MARCHF1: variants seen among roughly 807,000 people sequenced by gnomAD.
MARCHF1 encodes E3 ubiquitin-protein ligase MARCHF1.
Under a neutral mutation model 54.2 loss-of-function variants are expected in MARCHF1, and 40 were observed. The ratio of observed to expected loss-of-function variants is 0.74; its 90% CI spans 0.57 to 0.96. MARCHF1 has a LOEUF of 0.96. MARCHF1 is among the 40% of genes least tolerant of loss of function. The pLI is 0.00. For synonymous variants in MARCHF1, 236 were observed against 236.3 expected (o/e 1.00, Z 0.01); for missense variants, 586 against 656.5 (o/e 0.89, Z 1.17).
chr4:163,864,793 A>G (rs1750015415), intron 3 of MARCHF1, among the ~76,000 whole-genome samples: 1 of 152,064 alleles, frequency 6.6e-6, no homozygotes, highest in South Asian at 2.1e-4. Flanking sequence ...TTGTGTGTCC[A>G]AAGGCTAATT....
At chr4:163,572,611 A>C (rs1739878619) in intron 8 of MARCHF1, among the ~76,000 whole-genome samples, 1 of 152,046 alleles carries the variant, frequency 6.6e-6, no homozygotes, top group Non-Finnish European at 1.5e-5. Context: ...TCATTCCCTA[A>C]GTGTAGGGGT....
intron 2 of MARCHF1, among the ~76,000 whole-genome samples, chr4:164,083,230 G>A (rs1360497681): frequency 6.6e-6 from 1 of 152,076 alleles, no homozygotes; most frequent in Non-Finnish European, 1.5e-5. Context: ...GTCTCTGCGG[G>A]GTGGTGAAAT....
intron 4 of MARCHF1, among the ~76,000 whole-genome samples, chr4:163,788,061 TA>T (rs1037762832): frequency 1.1e-4 from 17 of 151,804 alleles, no homozygotes; most frequent in Non-Finnish European, 1.5e-4. Flanking sequence ...TGTCAATGGA[TA>T]GGGGAAGGGG....
chr4:163,759,590 A>G (rs1287261697), intron 4 of MARCHF1, among the ~76,000 whole-genome samples: 2 of 152,216 alleles, frequency 1.3e-5, no homozygotes, highest in East Asian at 3.8e-4. Flanking sequence ...CCAGTTGGGA[A>G]TGTCACCATT....
chr4:163,873,049 A>AC (rs1318169533), intron 3 of MARCHF1, among the ~76,000 whole-genome samples: 26 of 141,954 alleles, frequency 1.8e-4, no homozygotes, highest in Non-Finnish European at 2.9e-4. Context: ...GTCTCAAAAA[A>AC]AAAACAAACA....
At chr4:163,668,573 C>A (rs1388414873) in intron 5 of MARCHF1, among the ~76,000 whole-genome samples, 1 of 151,942 alleles carries the variant, frequency 6.6e-6, no homozygotes, top group Non-Finnish European at 1.5e-5. Context: ...AAGACCTTAC[C>A]AGATACATGT....
chr4:164,097,579 T>A (rs1324680382), intron 2 of MARCHF1, among the ~76,000 whole-genome samples: 1 of 152,206 alleles, frequency 6.6e-6, no homozygotes, highest in Non-Finnish European at 1.5e-5. Context: ...TGATCACTGT[T>A]TCAATATAAT....
intron 4 of MARCHF1, among the ~76,000 whole-genome samples, chr4:163,742,539 T>C (rs1746236261): frequency 6.6e-6 from 1 of 151,918 alleles, no homozygotes; most frequent in Non-Finnish European, 1.5e-5. Context: ...TTCAGTAGCA[T>C]GATCACGGCT....
chr4:163,626,654 C>A (rs1360546431), intron 5 of MARCHF1, among the ~76,000 whole-genome samples: 1 of 152,054 alleles, frequency 6.6e-6, no homozygotes, highest in Non-Finnish European at 1.5e-5. Flanking sequence ...GGGGACCGGG[C>A]ACTGTGGTTC....
intron 5 of MARCHF1, among the ~76,000 whole-genome samples, chr4:163,676,108 C>T (rs1196399137): frequency 6.8e-6 from 1 of 146,584 alleles, no homozygotes; most frequent in African/African-American, 2.5e-5. Context: ...TTTGGGAGGC[C>T]GAGGTGGGTG....
chr4:163,699,967 T>TTTG (rs1744755723), intron 5 of MARCHF1, among the ~76,000 whole-genome samples: 1 of 152,032 alleles, frequency 6.6e-6, no homozygotes, highest in South Asian at 2.1e-4. Flanking sequence ...TATTTTGTTT[T>TTTG]TTTTTTTTAA....
intron 1 of MARCHF1, among the ~76,000 whole-genome samples, chr4:164,228,116 G>A (rs560389658): frequency 6.6e-5 from 10 of 152,266 alleles, no homozygotes; most frequent in African/African-American, 2.4e-4. Flanking sequence ...AACTGATGAC[G>A]ATGATGATAC....
chr4:163,601,938 A>T (rs1232540311), intron 7 of MARCHF1, among the ~76,000 whole-genome samples: 1 of 152,024 alleles, frequency 6.6e-6, no homozygotes, highest in Non-Finnish European at 1.5e-5. Context: ...AGTCAAGATA[A>T]TCAGTATTAT....
At chr4:163,640,822 G>A (rs1163051342) in intron 5 of MARCHF1, among the ~76,000 whole-genome samples, 1 of 151,974 alleles carries the variant, frequency 6.6e-6, no homozygotes, top group Non-Finnish European at 1.5e-5. Context: ...TATATCTTTA[G>A]GGTAATAATT....
chr4:163,726,372 T>C (rs543000073), intron 4 of MARCHF1, among the ~76,000 whole-genome samples: 2 of 152,370 alleles, frequency 1.3e-5, no homozygotes, highest in African/African-American at 2.4e-5. Flanking sequence ...ATAAAGGATG[T>C]AGTCTTTTCA....
chr4:163,750,446 G>A lies in MARCHF1; in HGVS notation c.112-49583C>T, dbSNP rs986127803. On this transcript the variant is annotated intron_variant, in intron 4 of 9. Transcript: ENST00000514618. ...GAATCGCTTGAACCCAGGAGGCGGA[G>A]GTTGCAGTGAGCTGAGATCGCGCCA... Among the ~76,000 whole-genome samples the A allele has an allele frequency of 9.2e-5, 14 of 151,876 alleles. No homozygotes were observed. The South Asian group carries it at 1.3e-3, about 14-fold the overall frequency.
chr4:163,813,445 T>C (rs992600270), intron 4 of MARCHF1, among the ~76,000 whole-genome samples: 27 of 152,174 alleles, frequency 1.8e-4, no homozygotes, highest in Non-Finnish European at 4.4e-5. Flanking sequence ...CTCAGGACAA[T>C]GCACAGCATG....
At chr4:164,097,432 T>C (rs1336776403) in intron 2 of MARCHF1, among the ~76,000 whole-genome samples, 2 of 152,220 alleles carry the variant, frequency 1.3e-5, no homozygotes, top group African/African-American at 4.8e-5. Flanking sequence ...TTTCATACCA[T>C]ATTTTGGTTA....
chr4:163,768,335 T>G (rs1469527574), intron 4 of MARCHF1, among the ~76,000 whole-genome samples: 1 of 152,210 alleles, frequency 6.6e-6, no homozygotes, highest in Non-Finnish European at 1.5e-5. Flanking sequence ...ACTTCGTCTC[T>G]TGTTGAAAAG....
Sources: gnomAD v4.1 joint callset for allele counts (sites outside exome capture counted in the v4.1 genomes callset) on GRCh38, gnomAD v4.1.1 for gene constraint, MANE v1.5 for transcripts, NCBI Gene and HGNC (gene_info 2026-07-23, HGNC 2026-07-21) for gene names.